The following NCAPD3 variants were observed in gnomAD, a reference collection of about 807,000 sequenced individuals.
The protein encoded by NCAPD3 is non-SMC condensin II complex subunit D3.
A neutral mutation model predicts 182.9 loss-of-function variants in NCAPD3; 105 were observed. That is an observed-to-expected ratio of 0.57 (90% CI 0.49 to 0.68). The LOEUF is 0.68. NCAPD3 is among the 30% of genes least tolerant of loss of function. The pLI, the probability that NCAPD3 is intolerant of heterozygous loss-of-function variation, is 0.00. For missense variants in NCAPD3, 1,944 were observed against 1,837.0 expected (o/e 1.06, Z -1.07); for synonymous variants, 815 against 679.9 (o/e 1.20, Z -3.09).
chr11:134,177,711 C>G (rs192188313), intron 22 of NCAPD3: 4 of 468,602 alleles, frequency 8.5e-6, no homozygotes, highest in Non-Finnish European at 1.5e-5. Context: ...AAATCATCTT[C>G]CTTTTAAAGT....
chr11:134,168,521 G>T lies in NCAPD3; in HGVS notation c.3321C>A (p.Phe1107Leu), dbSNP rs1315791956. The change falls in exon 26 of 35, where the codon TTC becomes TTA. Residue 1107 changes from phenylalanine to leucine, a missense_variant. Around this residue, in one of 3 missense-constraint regions of NCAPD3, gnomAD observed 1,803 missense variants for 1,674.6 expected, o/e 1.08. Transcript: ENST00000534548. ...TGATGTTGAATCGCTGTTCATCTGT[G>T]AAGTGCTCTAGAAGAAATTTGTAGA... The part of the protein sequence containing the change: ...MKIYKFLLEH[F>L]TDEQRFNITS... 6.2e-7 allele frequency: 1 copy of T among 1,614,080 alleles called. No homozygotes were observed. The highest frequency in any genetic ancestry group is 8.5e-7 in the Non-Finnish European group (1 of 1,180,036).
chr11:134,155,435 G>A (rs886338067), intron 32 of NCAPD3, among the ~76,000 whole-genome samples: 3 of 152,128 alleles, frequency 2.0e-5, no homozygotes, highest in Non-Finnish European at 2.9e-5. Flanking sequence ...AAAGAGAGAC[G>A]GACAGAGACT....
intron 1 of NCAPD3, among the ~76,000 whole-genome samples, chr11:134,222,052 T>A (rs1938251325): frequency 6.6e-6 from 1 of 152,230 alleles, no homozygotes; most frequent in Non-Finnish European, 1.5e-5. Flanking sequence ...GTAAATACCA[T>A]CAAATCTAAT....
rs763564712 is a variant in NCAPD3, at chr11:134,177,363, G to A, written c.2877C>T (p.Asn959=). 3 of 1,614,256 alleles carry A rather than the reference G, an allele frequency of 1.9e-6. No homozygotes were observed. The South Asian group carries it at 3.3e-5, about 18-fold the overall frequency. ...GATCGCACATTACAATGATGACGTT[G>A]TTGCGGACAGCCACGTCCTCACACA... The part of the protein sequence containing the change: ...LEVCEDVAVR[N]NVIIVMCDLC... Residue 959 remains asparagine (N), a synonymous_variant, in exon 23 of 35, where the codon AAC becomes AAT. Transcript: ENST00000534548.
chr11:134,195,922 G>C (rs928722015), intron 13 of NCAPD3, among the ~76,000 whole-genome samples: 8 of 152,102 alleles, frequency 5.3e-5, no homozygotes, highest in African/African-American at 1.9e-4. Context: ...GAAGGCAAAT[G>C]AACACTGCAC....
At position 134,167,636 on chromosome 11, in the gene NCAPD3, G is replaced by C. The variant is rs1056140678; in HGVS notation, c.3573+360C>G. On this transcript the variant is annotated intron_variant, in intron 27 of 34. Transcript: ENST00000534548. ...ATGAGCTTGGGGGAGGGGCACACTA[G>C]TGAGATGAGCTTGGGGGAGCAGCAC... Among the ~76,000 whole-genome samples the C allele has an allele frequency of 5.3e-5, 7 of 132,726 alleles. No individual in the cohort carries two copies. In the Admixed American group the frequency reaches 5.3e-4, roughly 10 times the overall value. The allele number at this position is 132,726 out of a possible 152,430, so 87.1% of individuals were successfully genotyped here.
rs749002402 is a variant in NCAPD3 at position 134,203,742 on chromosome 11, G to A, written c.1380C>T (p.Val460=). ...FDRCLDKAPT[V]RSKALSSFAH... ...CAAAGCTGGACAGTGCCTTGCTGCG[G>A]ACAGTAGGCGCCTTGTCTAAGCAAC... Residue 460 remains valine, a synonymous_variant, in exon 11 of 35, where the codon GTC becomes GTT. Coordinates refer to ENST00000534548, the MANE Select transcript of NCAPD3 (RefSeq NM_015261.3). 5 of 1,614,176 alleles carry A rather than the reference G, an allele frequency of 3.1e-6. No individual in the cohort carries two copies. The highest frequency in any genetic ancestry group is 2.2e-5 in the South Asian group (2 of 91,078).
intron 31 of NCAPD3, among the ~76,000 whole-genome samples, chr11:134,157,716 C>A (rs969880963): frequency 2.0e-5 from 3 of 152,226 alleles, no homozygotes; most frequent in Non-Finnish European, 2.9e-5. Flanking sequence ...GAATGCCTCA[C>A]TGCTATGGGT....
chr11:134,167,325 G>T (rs1391292058), intron 27 of NCAPD3, among the ~76,000 whole-genome samples: 2 of 80,806 alleles, frequency 2.5e-5, no homozygotes, highest in Admixed American at 2.1e-4. Context: ...TGTGAAATGA[G>T]CCTGGGGGAG....
rs377642615 is a variant in NCAPD3 at position 134,208,163 on chromosome 11, G to A, written c.882+701C>T. Among the ~76,000 whole-genome samples, 26 of 152,244 alleles carry A rather than the reference G, an allele frequency of 1.7e-4. 1 individual carries two copies. The highest frequency in any genetic ancestry group is 3.2e-4 in the Non-Finnish European group (22 of 68,008). On this transcript the variant is annotated intron_variant, in intron 7 of 34. Transcript: ENST00000534548. The stretch of plus-strand genomic sequence containing the variant: ...CCCAAGCATCCCCAAAAATATCTTC[G>A]TAACCAGGTTACTGCCTCTGCAAGG...
At chr11:134,168,797 C>T (rs1428752890) in intron 25 of NCAPD3, 120 bp downstream of exon 25, 27 of 1,427,006 alleles carry the variant, frequency 1.9e-5, no homozygotes, top group Non-Finnish European at 2.5e-5. Context: ...CCTGCCAAGC[C>T]ACAGTAAAGA....
At chr11:134,194,786 C>T in intron 13 of NCAPD3, 48 bp from the exon 14 acceptor site, 2 of 1,298,172 alleles carry the variant, frequency 1.5e-6, no homozygotes, top group South Asian at 1.3e-5. Context: ...AAAAGTCACA[C>T]AGCAGCTAAC....
rs1331277569 is a variant in NCAPD3, at chr11:134,204,742, C to G, written c.1089+157G>C. Among the ~76,000 whole-genome samples the G allele has an allele frequency of 6.6e-6, 1 of 151,956 alleles. No homozygotes were observed. The highest frequency in any genetic ancestry group is 1.5e-5 in the Non-Finnish European group (1 of 68,008). On this transcript the variant is annotated intron_variant, in intron 9 of 34. Transcript: ENST00000534548. This position sits in a 1 kb window ranked among gnomAD's most constrained non-coding sequence, Gnocchi z 4.3. Reference sequence around the variant, plus strand: ...TTTGTTTTTTATAGAACACTTTTGTCTAGGGGACCATCTAGTGAACATTAA... The same window carrying G: ...TTTGTTTTTTATAGAACACTTTTGTGTAGGGGACCATCTAGTGAACATTAA...
intron 16 of NCAPD3, among the ~76,000 whole-genome samples, chr11:134,190,880 G>C (rs559344244): frequency 9.5e-4 from 144 of 152,194 alleles, no homozygotes; most frequent in African/African-American, 3.1e-3. Flanking sequence ...AATCTGGTTG[G>C]GTGCAAGATT....
chr11:134,165,944 T>G (rs1368333906), intron 27 of NCAPD3, among the ~76,000 whole-genome samples: 4 of 94,032 alleles, frequency 4.3e-5, no homozygotes, highest in Middle Eastern at 9.4e-3. Flanking sequence ...CACACTCACT[T>G]GTGAGATGAG....
chr11:134,207,473 C>T (rs1303188081), intron 7 of NCAPD3, among the ~76,000 whole-genome samples: 2 of 152,008 alleles, frequency 1.3e-5, no homozygotes, highest in Non-Finnish European at 2.9e-5. Context: ...ACCGACTGGG[C>T]GCAGTGGCTC....
At chr11:134,182,685 A>G (rs1023735163) in intron 19 of NCAPD3, among the ~76,000 whole-genome samples, 1 of 152,202 alleles carries the variant, frequency 6.6e-6, no homozygotes, top group Non-Finnish European at 1.5e-5. Context: ...GATCTCATCA[A>G]TTTTTTAATG....
upstream of NCAPD3, chr11:134,224,350 G>T (rs1221402480): frequency 7.3e-6 from 2 of 273,720 alleles, no homozygotes; most frequent in African/African-American, 2.3e-5. Context: ...GTCAGCACTC[G>T]AACAGCGTAA....
chr11:134,213,277 G>A (rs906031486), intron 3 of NCAPD3, among the ~76,000 whole-genome samples: 1 of 152,050 alleles, frequency 6.6e-6, no homozygotes, highest in African/African-American at 2.4e-5. Flanking sequence ...AGTGAGCTAT[G>A]ATTGCCACTG....
Sources: allele counts gnomAD v4.1 joint callset (sites outside exome capture counted in the v4.1 genomes callset), GRCh38; gene constraint gnomAD v4.1.1; regional missense constraint gnomAD v4.1.1; non-coding constraint Gnocchi (gnomAD v3.1); transcripts MANE v1.5; gene names NCBI Gene and HGNC (gene_info 2026-07-23, HGNC 2026-07-21).